The following GALNT13 variants were observed in gnomAD, a reference collection of about 807,000 sequenced individuals.
GALNT13 encodes polypeptide N-acetylgalactosaminyltransferase 13, also known as UDP-GalNAc:polypeptide N-acetylgalactosaminyltransferase 13.
Under a neutral mutation model 64.2 loss-of-function variants are expected in GALNT13, and 28 were observed. The observed-to-expected ratio is 0.44, with a 90% CI of 0.32 to 0.60. The LOEUF is 0.60. Ranked by LOEUF, GALNT13 falls within the 20% of genes least tolerant of loss-of-function variation. The pLI is 0.05. For missense variants in GALNT13, 577 were observed against 669.8 expected, an observed-to-expected ratio of 0.86 and a Z score of 1.53; for synonymous variants, 214 against 224.6, an observed-to-expected ratio of 0.95 and a Z score of 0.42.
At chr2:153,108,671 G>T in the GALNT13 span, among the ~76,000 whole-genome samples, 1 of 152,134 alleles carries the variant, frequency 6.6e-6, no homozygotes, top group Non-Finnish European at 1.5e-5. Context: ...TGGATGAGAA[G>T]CTTAAGCCTC....
chr2:153,536,116 A>C, the GALNT13 span, among the ~76,000 whole-genome samples: 1 of 152,200 alleles, frequency 6.6e-6, no homozygotes, highest in Non-Finnish European at 1.5e-5. Context: ...ATGTTTAAAA[A>C]TAGTTCCTTT....
the GALNT13 span, among the ~76,000 whole-genome samples, chr2:153,431,122 C>T: frequency 2.0e-5 from 3 of 150,644 alleles, no homozygotes; most frequent in Non-Finnish European, 4.4e-5. Context: ...TGCACTCTAG[C>T]CTAGGCAACA....
chr2:153,511,543 C>A, the GALNT13 span, among the ~76,000 whole-genome samples: 1 of 152,074 alleles, frequency 6.6e-6, no homozygotes, highest in African/African-American at 2.4e-5. Flanking sequence ...CATAACCACT[C>A]TAGGAAAAAG....
the GALNT13 span, among the ~76,000 whole-genome samples, chr2:153,144,875 AG>A: frequency 1.3e-3 from 191 of 151,842 alleles, 2 homozygotes; most frequent in African/African-American, 4.4e-3. Context: ...TGCTTATAAG[AG>A]GGGTTATATT....
intron 3 of GALNT13, among the ~76,000 whole-genome samples, chr2:154,009,194 A>G (rs1696462616): frequency 6.6e-6 from 1 of 151,226 alleles, no homozygotes; most frequent in Non-Finnish European, 1.5e-5. Context: ...CAATTTGTAA[A>G]GAAGAGATGG....
chr2:153,891,636 A>T (rs2105268468), intron 1 of GALNT13, among the ~76,000 whole-genome samples: 1 of 152,128 alleles, frequency 6.6e-6, no homozygotes, highest in East Asian at 1.9e-4. Context: ...GCTTAATCTA[A>T]ACCCAAGACT....
intron 4 of GALNT13, among the ~76,000 whole-genome samples, chr2:154,183,311 A>G (rs1350552333): frequency 6.6e-6 from 1 of 152,174 alleles, no homozygotes; most frequent in Non-Finnish European, 1.5e-5. Flanking sequence ...TTGTTTGAGT[A>G]TAACTGTTCA....
chr2:153,340,112 A>AT, the GALNT13 span, among the ~76,000 whole-genome samples: 1 of 151,848 alleles, frequency 6.6e-6, no homozygotes, highest in Non-Finnish European at 1.5e-5. Flanking sequence ...AAATTTTAGG[A>AT]TTTTTTTCTG....
At chr2:153,525,211 C>A in the GALNT13 span, among the ~76,000 whole-genome samples, 1 of 152,150 alleles carries the variant, frequency 6.6e-6, no homozygotes, top group Non-Finnish European at 1.5e-5. Flanking sequence ...CACCTCCTAG[C>A]TAAAGAGCCC....
At chr2:153,699,117 G>A in the GALNT13 span, among the ~76,000 whole-genome samples, 1 of 152,134 alleles carries the variant, frequency 6.6e-6, no homozygotes, top group Non-Finnish European at 1.5e-5. Flanking sequence ...AGCTACTCGG[G>A]AGGCTGAGGC....
intron 3 of GALNT13, among the ~76,000 whole-genome samples, chr2:154,009,263 TG>T (rs1696466451): frequency 6.6e-6 from 1 of 152,038 alleles, no homozygotes; most frequent in South Asian, 2.1e-4. Context: ...TCTGTGTGTC[TG>T]TTTTGTTCCA....
At chr2:153,510,640 G>A in the GALNT13 span, among the ~76,000 whole-genome samples, 1 of 152,116 alleles carries the variant, frequency 6.6e-6, no homozygotes, top group Non-Finnish European at 1.5e-5. Context: ...CACCTTCAGC[G>A]ATTCTGCTTT....
At chr2:153,122,221 T>A in the GALNT13 span, among the ~76,000 whole-genome samples, 1 of 151,864 alleles carries the variant, frequency 6.6e-6, no homozygotes, top group Non-Finnish European at 1.5e-5. Flanking sequence ...TAGCACCCCT[T>A]GTACCAAGTG....
At chr2:153,795,473 C>A in the GALNT13 span, among the ~76,000 whole-genome samples, 1 of 151,954 alleles carries the variant, frequency 6.6e-6, no homozygotes, top group Non-Finnish European at 1.5e-5. Context: ...CTGATGACCT[C>A]CTGGGCCCAA....
At chr2:153,141,169 T>C in the GALNT13 span, among the ~76,000 whole-genome samples, 2 of 152,202 alleles carry the variant, frequency 1.3e-5, no homozygotes, top group African/African-American at 2.4e-5. Flanking sequence ...TAATGTTTTC[T>C]AGATTCATCC....
chr2:153,950,241 TA>T (rs1246280085), intron 3 of GALNT13, among the ~76,000 whole-genome samples: 3 of 151,750 alleles, frequency 2.0e-5, no homozygotes, highest in Non-Finnish European at 4.4e-5. Context: ...CAAGTATATA[TA>T]AAATTTTTTC....
chr2:154,080,466 C>T (rs756822884), intron 3 of GALNT13, among the ~76,000 whole-genome samples: 1 of 151,562 alleles, frequency 6.6e-6, no homozygotes, highest in Non-Finnish European at 1.5e-5. Flanking sequence ...CAGGAAATTG[C>T]TCTGTAAATA....
At chr2:154,409,557 CT>C (rs1699701845) in intron 11 of GALNT13, among the ~76,000 whole-genome samples, 1 of 151,894 alleles carries the variant, frequency 6.6e-6, no homozygotes, top group Non-Finnish European at 1.5e-5. Context: ...CTTAGACAGC[CT>C]TTCTTGTGTG....
the GALNT13 span, among the ~76,000 whole-genome samples, chr2:153,221,399 GA>G: frequency 3.2e-4 from 48 of 152,132 alleles, 1 homozygote; most frequent in East Asian, 8.3e-3. Context: ...TAAAGTGATG[GA>G]AAAAAATACA....
Sources: gnomAD v4.1 joint callset for allele counts (sites outside exome capture counted in the v4.1 genomes callset) on GRCh38, gnomAD v4.1.1 for gene constraint, MANE v1.5 for transcripts, NCBI Gene and HGNC (gene_info 2026-07-23, HGNC 2026-07-21) for gene names.